Variants in RPH3A observed in about 807,000 individuals in gnomAD.
The protein encoded by RPH3A is rabphilin 3A, also known as rabphilin-3A.
In RPH3A, 48 loss-of-function variants were observed where a neutral mutation model predicts 102.2. The observed-to-expected ratio is 0.47, with a 90% CI of 0.37 to 0.60. The LOEUF is 0.60. RPH3A is among the 20% of genes least tolerant of loss of function. RPH3A has a pLI of 0.00. For missense variants in RPH3A, 781 were observed against 910.1 expected, an observed-to-expected ratio of 0.86 and a Z score of 1.83; for synonymous variants, 310 against 324.3, an observed-to-expected ratio of 0.96 and a Z score of 0.47.
intron 2 of RPH3A, among the ~76,000 whole-genome samples, chr12:112,825,151 A>G (rs1176980742): frequency 1.3e-5 from 2 of 151,870 alleles, no homozygotes; most frequent in Non-Finnish European, 2.9e-5. Context: ...ATAATGAGAC[A>G]TTAAAGTTCT....
At chr12:112,658,464 A>G (rs1321264468) in intron 1 of RPH3A, among the ~76,000 whole-genome samples, 2 of 152,240 alleles carry the variant, frequency 1.3e-5, no homozygotes, top group African/African-American at 4.8e-5. Flanking sequence ...GGTGTGAGCT[A>G]TAGTGCCTGG....
chr12:112,646,844 G>A (rs1434533036), intron 1 of RPH3A, among the ~76,000 whole-genome samples: 1 of 152,186 alleles, frequency 6.6e-6, no homozygotes, highest in African/African-American at 2.4e-5. Context: ...TGCCTGGTGA[G>A]AGTCCCCAAC....
intron 1 of RPH3A, among the ~76,000 whole-genome samples, chr12:112,659,073 T>A (rs1438002560): frequency 1.3e-5 from 2 of 152,148 alleles, no homozygotes; most frequent in South Asian, 2.1e-4. Flanking sequence ...AGCACCAGAA[T>A]TTTTTTCCCA....
intron 4 of RPH3A, among the ~76,000 whole-genome samples, chr12:112,843,661 G>GTTCTTCCTGCAT (rs2042184532): frequency 1.3e-5 from 2 of 152,170 alleles, no homozygotes; most frequent in Admixed American, 1.3e-4. Flanking sequence ...ATGTGTCCTT[G>GTTCTTCCTGCAT]GAGGGTCTTC....
chr12:112,870,060 C>T (rs2042682340), intron 10 of RPH3A, 21 bp downstream of exon 10: 2 of 1,602,540 alleles, frequency 1.2e-6, no homozygotes, highest in South Asian at 1.1e-5. Flanking sequence ...TGGGCAAATC[C>T]AGAGACAGTT....
At chr12:112,883,728 A>G (rs1442433974) in intron 16 of RPH3A, among the ~76,000 whole-genome samples, 1 of 152,190 alleles carries the variant, frequency 6.6e-6, no homozygotes, top group Admixed American at 6.5e-5. Context: ...GTTTATTACA[A>G]TAGATCATCT....
At chr12:112,785,577 G>T (rs1371788891) in intron 1 of RPH3A, among the ~76,000 whole-genome samples, 2 of 152,146 alleles carry the variant, frequency 1.3e-5, no homozygotes, top group Non-Finnish European at 2.9e-5. Flanking sequence ...GAATAAAGAT[G>T]ACAGACATGG....
chr12:112,576,703 A>AT (rs2135955977), intron 1 of RPH3A, among the ~76,000 whole-genome samples: 1 of 152,122 alleles, frequency 6.6e-6, no homozygotes, highest in East Asian at 1.9e-4. Flanking sequence ...GCCCCACATA[A>AT]TTTGGTGGAG....
chr12:112,738,256 G>C (rs1007913117), intron 1 of RPH3A, among the ~76,000 whole-genome samples: 1 of 151,692 alleles, frequency 6.6e-6, no homozygotes, highest in African/African-American at 2.4e-5. Context: ...ACAGCTGTGT[G>C]ATCTCAGCTC....
chr12:112,890,751 C>T, intron 18 of RPH3A, 98 bp from the exon 19 acceptor site: 1 of 1,380,276 alleles, frequency 7.2e-7, no homozygotes, highest in Non-Finnish European at 9.9e-7. Context: ...GCTGGCCAAG[C>T]TTCGCCTGCC....
intron 1 of RPH3A, among the ~76,000 whole-genome samples, chr12:112,712,953 TC>T (rs2040479860): frequency 9.1e-6 from 1 of 109,634 alleles, no homozygotes. Context: ...TTCTTCTTCT[TC>T]TTCTTCTTCT....
At chr12:112,629,561 C>T (rs1296814243) in intron 1 of RPH3A, among the ~76,000 whole-genome samples, 3 of 149,576 alleles carry the variant, frequency 2.0e-5, no homozygotes, top group Non-Finnish European at 4.4e-5. Context: ...ACTGCAGCCT[C>T]GACCTCCTGG....
At chr12:112,825,593 G>C (rs1484085240) in intron 2 of RPH3A, among the ~76,000 whole-genome samples, 1 of 152,144 alleles carries the variant, frequency 6.6e-6, no homozygotes, top group Non-Finnish European at 1.5e-5. Flanking sequence ...CAGAAAGAAC[G>C]GAAGCCTGGC....
intron 1 of RPH3A, among the ~76,000 whole-genome samples, chr12:112,761,308 G>A (rs1015338997): frequency 6.6e-6 from 1 of 152,136 alleles, no homozygotes; most frequent in Non-Finnish European, 1.5e-5. Flanking sequence ...GTGTGCATGC[G>A]TCTGTGTGTG....
intron 1 of RPH3A, among the ~76,000 whole-genome samples, chr12:112,650,465 T>C (rs1197102422): frequency 1.3e-5 from 2 of 152,192 alleles, no homozygotes; most frequent in Non-Finnish European, 2.9e-5. Context: ...GGCTTCCTTA[T>C]CAGATTGGGT....
At chr12:112,784,561 C>T (rs1245437831) in intron 1 of RPH3A, among the ~76,000 whole-genome samples, 3 of 152,192 alleles carry the variant, frequency 2.0e-5, no homozygotes, top group Admixed American at 2.0e-4. Flanking sequence ...ACAAAAGATA[C>T]AAGCATCAAA....
intron 10 of RPH3A, chr12:112,873,964 A>G (rs2042749865): frequency 6.6e-6 from 1 of 152,240 alleles, no homozygotes; most frequent in Non-Finnish European, 1.5e-5. Context: ...TGAATGAACA[A>G]ATGAATGAAT....
rs929746127 is a variant in RPH3A, at chr12:112,845,557, A to T, written c.84-2139A>T. On this transcript the variant is annotated intron_variant, in intron 4 of 21. Coordinates refer to ENST00000389385, the MANE Select transcript of RPH3A (RefSeq NM_001143854.2). ...ACCAGGATCACAATGAATTCTCCTCACTTGCTCAAGAAGCTCTGCCCAATC... is the reference window on the plus strand; with the variant it reads ...ACCAGGATCACAATGAATTCTCCTCTCTTGCTCAAGAAGCTCTGCCCAATC... Among the ~76,000 whole-genome samples, 22 of 152,108 alleles carry T rather than the reference A, an allele frequency of 1.4e-4. 1 individual carries two copies. Among genetic ancestry groups the T allele is most frequent in the Non-Finnish European group, 3.2e-4 (22 of 68,008 alleles).
chr12:112,866,291 C>G (rs147835283), intron 6 of RPH3A, among the ~76,000 whole-genome samples: 5 of 152,220 alleles, frequency 3.3e-5, no homozygotes, highest in Admixed American at 2.0e-4. Flanking sequence ...GTCTTAACTT[C>G]CAGGAAATTC....
Sources: gnomAD v4.1 joint callset for allele counts (sites outside exome capture counted in the v4.1 genomes callset) on GRCh38, gnomAD v4.1.1 for gene constraint, MANE v1.5 for transcripts, NCBI Gene and HGNC (gene_info 2026-07-23, HGNC 2026-07-21) for gene names.